KCNIP3: variants seen among roughly 807,000 people sequenced by gnomAD.
KCNIP3 encodes calsenilin.
A neutral mutation model predicts 35.0 loss-of-function variants in KCNIP3; 28 were observed. The ratio of observed to expected loss-of-function variants is 0.80; its 90% CI spans 0.59 to 1.10. The LOEUF (loss-of-function observed/expected upper bound fraction) is 1.10, where lower values mean the gene tolerates loss of function less well. Ranked by LOEUF, KCNIP3 falls within the 50% of genes least tolerant of loss-of-function variation. The pLI, the probability that KCNIP3 is intolerant of heterozygous loss-of-function variation, is 0.00. For missense variants in KCNIP3, 295 were observed against 338.4 expected, an observed-to-expected ratio of 0.87 and a Z score of 1.01; for synonymous variants, 134 against 133.8, an observed-to-expected ratio of 1.00 and a Z score of -0.01.
At chr2:95,345,648 G>A (rs1679332554) in intron 2 of KCNIP3, among the ~76,000 whole-genome samples, 1 of 152,242 alleles carries the variant, frequency 6.6e-6, no homozygotes, top group Admixed American at 6.5e-5. Flanking sequence ...GCGGGCCGTA[G>A]CCGCGCTGCC....
In KCNIP3 at chr2:95,374,795, C is replaced by G. The variant is rs574556841; in HGVS notation, c.307-53C>G. 2.5e-6 allele frequency: 4 copies of G among 1,584,150 alleles called. No homozygotes were observed. In the Admixed American group the frequency reaches 6.7e-5, roughly 26 times the overall value. ...AGGCCAGCCAGGCACCATGCAGAGT[C>G]GGGCTTGGAGCTGGGGGTGGCCGAG... is the stretch of plus-strand genomic sequence containing the variant. On this transcript the variant is annotated intron_variant, in intron 3 of 8. Coordinates refer to ENST00000295225, the MANE Select transcript of KCNIP3 (RefSeq NM_013434.5).
At chr2:95,322,482 C>T in intron 2 of KCNIP3, among the ~76,000 whole-genome samples, 1 of 152,188 alleles carries the variant, frequency 6.6e-6, no homozygotes. Context: ...GGACAAGTTG[C>T]TGGGTCTCTA....
At chr2:95,322,973 T>C (rs1332920085) in intron 2 of KCNIP3, among the ~76,000 whole-genome samples, 2 of 152,234 alleles carry the variant, frequency 1.3e-5, no homozygotes, top group African/African-American at 2.4e-5. Flanking sequence ...TGCTCTTCTT[T>C]ACCCAGGAAT....
At chr2:95,368,389 A>AGGG (rs1336868073) in intron 2 of KCNIP3, 1 of 151,008 alleles carries the variant, frequency 6.6e-6, no homozygotes, top group East Asian at 2.0e-4. Flanking sequence ...AAAGGGTGGG[A>AGGG]GGGGGTGAGG....
intron 2 of KCNIP3, among the ~76,000 whole-genome samples, chr2:95,321,110 C>A (rs530538568): frequency 2.0e-5 from 3 of 151,420 alleles, no homozygotes; most frequent in African/African-American, 4.8e-5. Flanking sequence ...TAGGCCCTCC[C>A]CTCCCCAGTC....
At chr2:95,357,556 T>G (rs1679684419) in intron 2 of KCNIP3, among the ~76,000 whole-genome samples, 1 of 152,064 alleles carries the variant, frequency 6.6e-6, no homozygotes, top group Admixed American at 6.6e-5. Context: ...TCTTCCCTGG[T>G]CCCCACAGGC....
intron 2 of KCNIP3, among the ~76,000 whole-genome samples, chr2:95,344,471 G>T (rs1488944333): frequency 6.6e-6 from 1 of 152,242 alleles, no homozygotes; most frequent in Non-Finnish European, 1.5e-5. Context: ...CTCAGGCCTC[G>T]TATCCACTTA....
At chr2:95,358,761 G>A (rs143417890) in intron 2 of KCNIP3, among the ~76,000 whole-genome samples, 261 of 152,330 alleles carry the variant, frequency 1.7e-3, no homozygotes, top group Non-Finnish European at 2.0e-3. Flanking sequence ...TACTCTCATG[G>A]TAACAAACCC....
chr2:95,346,982 G>T, intron 2 of KCNIP3: 1 of 1,511,168 alleles, frequency 6.6e-7, no homozygotes, highest in Non-Finnish European at 9.0e-7. Context: ...GGCGAGGGGT[G>T]CGCCCGGGCC....
intron 1 of KCNIP3, among the ~76,000 whole-genome samples, chr2:95,300,381 A>G (rs546721537): frequency 6.6e-6 from 1 of 152,352 alleles, no homozygotes; most frequent in East Asian, 1.9e-4. Flanking sequence ...TTACTGACTT[A>G]GCAGAGGGGC....
intron 1 of KCNIP3, among the ~76,000 whole-genome samples, chr2:95,300,961 C>T (rs575442114): frequency 5.6e-4 from 85 of 152,368 alleles, no homozygotes; most frequent in South Asian, 1.0e-3. Flanking sequence ...TGCCCAACGC[C>T]CCCAGCCTTC....
chr2:95,362,601 T>G (rs1480560476), intron 2 of KCNIP3, among the ~76,000 whole-genome samples: 4 of 152,220 alleles, frequency 2.6e-5, no homozygotes, highest in Admixed American at 2.6e-4. Context: ...TATGCACCCC[T>G]CGCATGCACA....
At chr2:95,366,403 C>T (rs1250096944) in intron 2 of KCNIP3, among the ~76,000 whole-genome samples, 1 of 152,110 alleles carries the variant, frequency 6.6e-6, no homozygotes. Context: ...GAGTATCTTT[C>T]CTTGTGTGAT....
intron 2 of KCNIP3, among the ~76,000 whole-genome samples, chr2:95,351,356 T>C (rs541886777): frequency 2.6e-5 from 4 of 152,336 alleles, no homozygotes; most frequent in African/African-American, 9.6e-5. Context: ...GCAGATCCTA[T>C]GAGAGGCATT....
chr2:95,344,986 G>A (rs942589972), intron 2 of KCNIP3, among the ~76,000 whole-genome samples: 10 of 152,222 alleles, frequency 6.6e-5, no homozygotes, highest in Non-Finnish European at 1.2e-4. Context: ...AACCTTAAAA[G>A]CTCTGCTCCA....
rs148172231 is a variant in KCNIP3 at position 95,357,017 on chromosome 2, G to A, written c.182-17279G>A. Among the ~76,000 whole-genome samples the A allele has an allele frequency of 8.1e-3, 1,228 of 152,314 alleles. 22 individuals are homozygous for A. The highest frequency in any genetic ancestry group is 0.02 in the Middle Eastern group (6 of 294). On this transcript the variant is annotated intron_variant, in intron 2 of 8. Coordinates refer to ENST00000295225, the MANE Select transcript of KCNIP3 (RefSeq NM_013434.5). The stretch of plus-strand genomic sequence containing the variant: ...GGACTGCTGGGCCATGCTCGCCGGC[G>A]TGGGTGGCCTCTGCAGGAGACAGTG...
intron 1 of KCNIP3, among the ~76,000 whole-genome samples, chr2:95,300,265 C>G (rs1677989420): frequency 6.6e-6 from 1 of 152,218 alleles, no homozygotes; most frequent in Non-Finnish European, 1.5e-5. Context: ...TAGCTGCCTC[C>G]CATTTTTGGA....
In KCNIP3 at chr2:95,352,881, G is replaced by A. The variant is rs180787334; in HGVS notation, c.182-21415G>A. On this transcript the variant is annotated intron_variant, in intron 2 of 8. Coordinates refer to ENST00000295225, the MANE Select transcript of KCNIP3 (RefSeq NM_013434.5). ...ACAGGAAGGCCAGATGCTTTCCTGT[G>A]TGGAGCTGTTAACAGCCTGGTCACC... 5.3e-5 allele frequency among the ~76,000 whole-genome samples: 8 copies of A among 152,340 alleles called. No individual in the cohort carries two copies. The East Asian group carries it at 1.5e-3, about 29-fold the overall frequency.
intron 2 of KCNIP3, among the ~76,000 whole-genome samples, chr2:95,318,541 C>T (rs1370694502): frequency 6.6e-6 from 1 of 152,162 alleles, no homozygotes; most frequent in African/African-American, 2.4e-5. Flanking sequence ...ACTTGTGGGC[C>T]CAGGCCTGTG....
Sources: allele counts gnomAD v4.1 joint callset (sites outside exome capture counted in the v4.1 genomes callset), GRCh38; gene constraint gnomAD v4.1.1; transcripts MANE v1.5; gene names NCBI Gene and HGNC (gene_info 2026-07-23, HGNC 2026-07-21).